The following MROH2B variants were observed in gnomAD, a reference collection of about 807,000 sequenced individuals.
The protein encoded by MROH2B is maestro heat-like repeat-containing protein family member 2B.
In MROH2B, 177 loss-of-function variants were observed where a neutral mutation model predicts 208.6. That is an observed-to-expected ratio of 0.85 (90% CI 0.75 to 0.96). The LOEUF (loss-of-function observed/expected upper bound fraction) is 0.96, where lower values mean the gene tolerates loss of function less well. Among genes scored for constraint, MROH2B ranks in the 40% least tolerant of loss-of-function variants. MROH2B has a pLI of 0.00. For synonymous variants in MROH2B, 728 were observed against 659.0 expected (o/e 1.10, Z -1.60); for missense variants, 2,002 against 1,878.7 (o/e 1.07, Z -1.21).
At chr5:41,032,443 G>GC (rs1742603724) in intron 24 of MROH2B, among the ~76,000 whole-genome samples, 1 of 152,074 alleles carries the variant, frequency 6.6e-6, no homozygotes, top group Non-Finnish European at 1.5e-5. Context: ...AAATTTGCCT[G>GC]GAGGCCAAGA....
chr5:41,035,010 T>G (rs548702989), intron 21 of MROH2B, among the ~76,000 whole-genome samples: 8 of 152,268 alleles, frequency 5.3e-5, no homozygotes, highest in Non-Finnish European at 7.4e-5. Flanking sequence ...ATTGTTAGAA[T>G]GATCATACTG....
Position 41,069,759 on chromosome 5 carries a change from C to A in MROH2B, c.29-7G>T. On this transcript the variant is annotated splice_region_variant and splice_polypyrimidine_tract_variant and intron_variant, in intron 1 of 41. Coordinates refer to ENST00000399564, the MANE Select transcript of MROH2B (RefSeq NM_173489.5). ...TTAATATCCCCAAACATCTCTAAAA[C>A]GTACAGAAAAATATGAATTGAAATA... 1 of 1,586,950 alleles carries A rather than the reference C, an allele frequency of 6.3e-7. No homozygotes were observed. Among genetic ancestry groups the A allele is most frequent in the Non-Finnish European group, 8.6e-7 (1 of 1,160,082 alleles).
At chr5:41,004,271 T>C in intron 37 of MROH2B, 75 bp downstream of exon 37, 1 of 1,514,336 alleles carries the variant, frequency 6.6e-7, no homozygotes, top group Non-Finnish European at 8.9e-7. Flanking sequence ...TGACAATGTC[T>C]TCTGTGAGCA....
chr5:41,010,137 A>C, intron 30 of MROH2B, 58 bp from the exon 31 acceptor site: 1 of 1,550,994 alleles, frequency 6.4e-7, no homozygotes, highest in Non-Finnish European at 8.8e-7. Flanking sequence ...TATGTGAATG[A>C]CTCAGAACAG....
intron 10 of MROH2B, among the ~76,000 whole-genome samples, 151 bp from the exon 11 acceptor site, chr5:41,054,991 T>A (rs1052388865): frequency 6.6e-6 from 1 of 152,224 alleles, no homozygotes; most frequent in African/African-American, 2.4e-5. Context: ...TCCCATCCTC[T>A]TTGTTTCCAA....
At position 41,071,301 on chromosome 5, in the gene MROH2B, C is replaced by T. The variant is rs1400840985; in HGVS notation, c.-449G>A. 1 of 170,418 alleles carries T rather than the reference C, an allele frequency of 5.9e-6. No homozygotes were observed. Among genetic ancestry groups the T allele is most frequent in the Non-Finnish European group, 1.3e-5 (1 of 79,774 alleles). The allele number at this position is 170,418 out of a possible 1,614,324, so 10.6% of individuals were successfully genotyped here. On this transcript the variant is annotated 5_prime_UTR_variant, in exon 1 of 42. Transcript: ENST00000399564. ...ATGTTGGGAAAGGCTTTATGGTGAA[C>T]TCGTTGATTGTTACACTTAGTGAAA...
chr5:41,051,032 T>C lies in MROH2B; in HGVS notation c.1289A>G (p.Glu430Gly), dbSNP rs369075850. 28 of 1,565,382 alleles carry C rather than the reference T, an allele frequency of 1.8e-5. No homozygotes were observed. In the South Asian group the frequency reaches 2.9e-4, roughly 16 times the overall value. The change falls in exon 13 of 42, where the codon GAA (glutamate) becomes GGA (glycine). Residue 430 changes from glutamate to glycine, a missense_variant. Transcript: ENST00000399564. ...ENEKEEESVR[E>G]TSLEVLKTLD... ...GGTTTTTAAGACCTCAAGGCTTGTTTCTCGGACAGATTCCTCTTCCTTTTC... is the reference window on the plus strand; with the variant it reads ...GGTTTTTAAGACCTCAAGGCTTGTTCCTCGGACAGATTCCTCTTCCTTTTC...
Position 41,004,766 on chromosome 5 carries a change from C to T in MROH2B, c.4011+8G>A. 1 of 1,611,560 alleles carries T rather than the reference C, an allele frequency of 6.2e-7. No individual in the cohort carries two copies. The highest frequency in any genetic ancestry group is 8.5e-7 in the Non-Finnish European group (1 of 1,179,254). On this transcript the variant is annotated splice_region_variant and intron_variant, in intron 36 of 41. Coordinates refer to ENST00000399564, the MANE Select transcript of MROH2B (RefSeq NM_173489.5). ...AAATGAACCATTTCCCCTTAAAACG[C>T]CTTTTACCTTGTGAGGAGCCCCGGA...
At chr5:41,020,373 T>C (rs575395226) in intron 24 of MROH2B, among the ~76,000 whole-genome samples, 1 of 152,302 alleles carries the variant, frequency 6.6e-6, no homozygotes, top group East Asian at 1.9e-4. Context: ...AGCTTCAAGA[T>C]TGATTTATTT....
At chr5:41,069,557 G>A (rs999571518) in intron 2 of MROH2B, 134 bp downstream of exon 2, 14 of 667,588 alleles carry the variant, frequency 2.1e-5, no homozygotes, top group African/African-American at 3.7e-5. Flanking sequence ...CATTACAACT[G>A]CATTTACTGA....
At chr5:41,005,256 C>G in intron 35 of MROH2B, 1 of 535,332 alleles carries the variant, frequency 1.9e-6, no homozygotes, top group South Asian at 2.9e-5. Context: ...AGCGTCAGTG[C>G]TACAATGCTT....
chr5:41,070,138 A>C (rs1743942143), intron 1 of MROH2B, among the ~76,000 whole-genome samples: 1 of 151,824 alleles, frequency 6.6e-6, no homozygotes, highest in African/African-American at 2.4e-5. Context: ...ATAGCTGTTT[A>C]TTTTTCACTG....
chr5:40,999,018 A>G (rs1485798352), intron 40 of MROH2B, among the ~76,000 whole-genome samples: 2 of 152,208 alleles, frequency 1.3e-5, no homozygotes, highest in East Asian at 3.8e-4. Context: ...CATATGTATG[A>G]TTCAAGAAGG....
chr5:41,059,095 G>T (rs992249006), intron 6 of MROH2B, among the ~76,000 whole-genome samples: 3 of 145,942 alleles, frequency 2.1e-5, no homozygotes, highest in African/African-American at 5.0e-5. Flanking sequence ...ACCTCACTTT[G>T]ACCCTAACTA....
chr5:41,007,577 G>T, intron 33 of MROH2B, 123 bp from the exon 34 acceptor site: 1 of 907,252 alleles, frequency 1.1e-6, no homozygotes, highest in Non-Finnish European at 1.5e-6. Flanking sequence ...TGTTGTGTAA[G>T]GGAAAAACAG....
At position 41,004,848 on chromosome 5, in the gene MROH2B, A is replaced by T. The variant is rs1481533151; in HGVS notation, c.3937T>A (p.Trp1313Arg). 8 of 1,614,028 alleles carry T rather than the reference A, an allele frequency of 5.0e-6. No homozygotes were observed. The highest frequency in any genetic ancestry group is 6.8e-6 in the Non-Finnish European group (8 of 1,179,892). Residue 1313 changes from tryptophan to arginine, a missense_variant, in exon 36 of 42, where the codon TGG becomes AGG. Trp to Arg is a moderately radical substitution (Grantham distance 101, BLOSUM62 -3). Coordinates refer to ENST00000399564, the MANE Select transcript of MROH2B (RefSeq NM_173489.5). Reference sequence around the variant, plus strand: ...TGCCTCAGAGTGGCGTTGGAGTCCCAGGCACTTTGATCCATCAAGATCAGC... The same window carrying T: ...TGCCTCAGAGTGGCGTTGGAGTCCCTGGCACTTTGATCCATCAAGATCAGC... ...NVLILMDQSA[W>R]DSNATLRQMA...
rs538587840 is a variant in MROH2B at position 41,036,319 on chromosome 5, A to C, written c.2214+2417T>G. ...ATAAGTCTCATGAGATCTGATGATT[A>C]TATAAGGGGGAGTTTCCCTGCACAA... is the stretch of plus-strand genomic sequence containing the variant. On this transcript the variant is annotated intron_variant, in intron 21 of 41. Coordinates refer to ENST00000399564, the MANE Select transcript of MROH2B (RefSeq NM_173489.5). Among the ~76,000 whole-genome samples, 5 of 152,008 alleles carry C rather than the reference A, an allele frequency of 3.3e-5. No individual in the cohort carries two copies. The South Asian group carries it at 8.3e-4, about 25-fold the overall frequency.
rs1195907712 is a variant in MROH2B at position 41,027,259 on chromosome 5, A to G, written c.2441+5483T>C. On this transcript the variant is annotated intron_variant, in intron 24 of 41. Transcript: ENST00000399564. ...CATCAGAGTGAACAGACAACCTACA[A>G]AATGGGAGAAAATTTTTGCAATCTA... Among the ~76,000 whole-genome samples, 8 of 152,288 alleles carry G rather than the reference A, an allele frequency of 5.3e-5. No homozygotes were observed. In the East Asian group the frequency reaches 7.7e-4, roughly 15 times the overall value.
chr5:41,000,528 A>T, intron 38 of MROH2B, 150 bp downstream of exon 38: 1 of 1,321,414 alleles, frequency 7.6e-7, no homozygotes, highest in Non-Finnish European at 1.0e-6. Context: ...AAGAGATAGT[A>T]AGAAGAACCT....
Sources: allele counts gnomAD v4.1 joint callset (sites outside exome capture counted in the v4.1 genomes callset), GRCh38; gene constraint gnomAD v4.1.1; transcripts MANE v1.5; gene names NCBI Gene and HGNC (gene_info 2026-07-23, HGNC 2026-07-21).